QDPR: variants seen among roughly 807,000 people sequenced by gnomAD.
QDPR encodes dihydropteridine reductase.
In QDPR, 23 loss-of-function variants were observed where a neutral mutation model predicts 31.7. The ratio of observed to expected loss-of-function variants is 0.73; its 90% CI spans 0.52 to 1.03. The LOEUF (loss-of-function observed/expected upper bound fraction) is 1.03. Ranked by LOEUF, QDPR falls within the 50% of genes least tolerant of loss-of-function variation. QDPR has a pLI of 0.00. For missense variants in QDPR, 324 were observed against 323.8 expected (o/e 1.00, Z 0.00); for synonymous variants, 124 against 124.7 (o/e 0.99, Z 0.03).
At chr4:17,490,931 C>T (rs1718142329) in intron 5 of QDPR, among the ~76,000 whole-genome samples, 186 bp from the exon 6 acceptor site, 1 of 152,120 alleles carries the variant, frequency 6.6e-6, no homozygotes, top group African/African-American at 2.4e-5. Context: ...AAGCTGTCCC[C>T]GCTAGCAAAG....
At chr4:17,502,092 G>A (rs981641999) in intron 3 of QDPR, among the ~76,000 whole-genome samples, 1 of 152,122 alleles carries the variant, frequency 6.6e-6, no homozygotes, top group Non-Finnish European at 1.5e-5. Flanking sequence ...GCAAAATGTT[G>A]GCCAATAAAT....
At chr4:17,496,202 T>G (rs1442412590) in intron 4 of QDPR, among the ~76,000 whole-genome samples, 1 of 151,880 alleles carries the variant, frequency 6.6e-6, no homozygotes, top group African/African-American at 2.4e-5. Context: ...TCCCAGCACT[T>G]TGGGAGGCCA....
At chr4:17,499,295 T>G (rs1240346562) in intron 4 of QDPR, among the ~76,000 whole-genome samples, 1 of 152,214 alleles carries the variant, frequency 6.6e-6, no homozygotes, top group Non-Finnish European at 1.5e-5. Flanking sequence ...TCTTAACCAC[T>G]ACCCAAAATG....
chr4:17,503,986 A>T (rs1053793936), intron 3 of QDPR, among the ~76,000 whole-genome samples: 1 of 151,908 alleles, frequency 6.6e-6, no homozygotes, highest in Non-Finnish European at 1.5e-5. Context: ...GAGGGGAGGG[A>T]AGGGAAGGGA....
At chr4:17,511,438 C>G (rs549709378) in intron 1 of QDPR, among the ~76,000 whole-genome samples, 106 of 152,308 alleles carry the variant, frequency 7.0e-4, no homozygotes, top group African/African-American at 2.4e-3. Context: ...AGCATTTAAA[C>G]AGTTTTTACC....
intron 4 of QDPR, among the ~76,000 whole-genome samples, chr4:17,497,607 G>C (rs1318022623): frequency 1.3e-5 from 2 of 151,984 alleles, no homozygotes; most frequent in African/African-American, 4.8e-5. Flanking sequence ...AGACCAATCT[G>C]CTACTAACTA....
chr4:17,495,410 C>G (rs1410245405), intron 4 of QDPR, among the ~76,000 whole-genome samples: 1 of 152,148 alleles, frequency 6.6e-6, no homozygotes, highest in Non-Finnish European at 1.5e-5. Context: ...CTCCCTGGCT[C>G]CCAGGAACGG....
intron 4 of QDPR, among the ~76,000 whole-genome samples, chr4:17,495,278 G>C (rs1011224181): frequency 6.6e-6 from 1 of 152,144 alleles, no homozygotes; most frequent in Non-Finnish European, 1.5e-5. Flanking sequence ...CCTGGAAAGG[G>C]GCTGCCAGGG....
intron 4 of QDPR, among the ~76,000 whole-genome samples, chr4:17,500,407 C>A (rs780669683): frequency 6.6e-6 from 1 of 152,176 alleles, no homozygotes; most frequent in Non-Finnish European, 1.5e-5. Context: ...CCCCAACATT[C>A]GTATATTGAA....
intron 5 of QDPR, 126 bp downstream of exon 5, chr4:17,492,106 T>C: frequency 1.5e-6 from 1 of 684,786 alleles, no homozygotes; most frequent in South Asian, 1.8e-5. Flanking sequence ...TAAGAGACTT[T>C]GGTGTGTTTC....
chr4:17,487,693 T>C (rs1436125858), intron 6 of QDPR, among the ~76,000 whole-genome samples: 2 of 151,192 alleles, frequency 1.3e-5, no homozygotes, highest in Admixed American at 6.6e-5. Context: ...TCAGGCATTA[T>C]GGCTCACCCC....
chr4:17,504,386 T>G lies in QDPR; in HGVS notation c.288A>C (p.Lys96Asn), dbSNP rs765012462. The change falls in exon 3 of 7, where the codon AAA (lysine) becomes AAC (asparagine). Residue 96 changes from lysine to asparagine, a missense_variant. By Grantham distance (94) the Lys-to-Asn change is moderately conservative. Transcript: ENST00000281243. ...ACTCAGGAAAGGACTCACACTTGGATTTGGCATTGCCCCCGGCCCATCCTC... is the reference window on the plus strand; with the variant it reads ...ACTCAGGAAAGGACTCACACTTGGAGTTGGCATTGCCCCCGGCCCATCCTC... ...VAGGWAGGNA[K>N]SKSLFKNCDL... is the part of the protein sequence containing the mutation. The G allele has an allele frequency of 6.2e-7, 1 of 1,613,690 alleles. No individual in the cohort carries two copies. Among genetic ancestry groups the G allele is most frequent in the Admixed American group, 1.7e-5 (1 of 60,022 alleles).
Position 17,510,594 on chromosome 4 carries a change from A to G in QDPR, c.106-1231T>C, listed in dbSNP as rs567994949. ...CCTAAGATGGCAGGAAGAAGCTCGGAGGGGAAAGACCAAGAGCCAGAGGTA... is the reference window on the plus strand; with the variant it reads ...CCTAAGATGGCAGGAAGAAGCTCGGGGGGGAAAGACCAAGAGCCAGAGGTA... On this transcript the variant is annotated intron_variant, in intron 1 of 6. Transcript: ENST00000281243. 4.1e-4 allele frequency among the ~76,000 whole-genome samples: 63 copies of G among 152,322 alleles called. 1 individual carries two copies. The highest frequency in any genetic ancestry group is 4.1e-3 in the Admixed American group (62 of 15,308).
intron 3 of QDPR, among the ~76,000 whole-genome samples, 166 bp downstream of exon 3, chr4:17,504,213 T>C (rs1718671910): frequency 6.6e-6 from 1 of 152,104 alleles, no homozygotes; most frequent in African/African-American, 2.4e-5. Flanking sequence ...TTCTTCTTTA[T>C]CCGTAAAATG....
intron 1 of QDPR, among the ~76,000 whole-genome samples, chr4:17,510,480 T>C (rs1024695411): frequency 2.6e-5 from 4 of 152,242 alleles, no homozygotes; most frequent in African/African-American, 9.6e-5. Flanking sequence ...ACACAGCATC[T>C]ATTCATCAAC....
chr4:17,495,758 T>C (rs570321226), intron 4 of QDPR, among the ~76,000 whole-genome samples: 2 of 152,240 alleles, frequency 1.3e-5, no homozygotes, highest in Admixed American at 1.3e-4. Flanking sequence ...CTTGTAATCC[T>C]AGCACTTTGG....
intron 4 of QDPR, among the ~76,000 whole-genome samples, chr4:17,496,230 G>C (rs1718345439): frequency 6.6e-6 from 1 of 151,774 alleles, no homozygotes; most frequent in African/African-American, 2.4e-5. Flanking sequence ...TGGATCACCT[G>C]AGGTCAGAAG....
intron 6 of QDPR, 189 bp downstream of exon 6, chr4:17,490,473 G>A: frequency 1.7e-6 from 1 of 600,504 alleles, no homozygotes; most frequent in Non-Finnish European, 3.1e-6. Flanking sequence ...CTGCCACTGT[G>A]CTGCCTGTCT....
At chr4:17,500,508 A>C (rs182783038) in intron 4 of QDPR, among the ~76,000 whole-genome samples, 3 of 152,322 alleles carry the variant, frequency 2.0e-5, no homozygotes, top group Admixed American at 2.0e-4. Flanking sequence ...GATGGGCCCT[A>C]GTCCAATATG....
Sources: gnomAD v4.1 joint callset for allele counts (sites outside exome capture counted in the v4.1 genomes callset) on GRCh38, gnomAD v4.1.1 for gene constraint, MANE v1.5 for transcripts, NCBI Gene and HGNC (gene_info 2026-07-23, HGNC 2026-07-21) for gene names.